The following TULP4 variants were observed in gnomAD, a reference collection of about 807,000 sequenced individuals.
TULP4 encodes tubby-related protein 4.
In TULP4, 16 loss-of-function variants were observed where a neutral mutation model predicts 129.0. The ratio of observed to expected loss-of-function variants is 0.12; its 90% CI spans 0.08 to 0.19. TULP4 has a LOEUF of 0.19. Among genes scored for constraint, TULP4 ranks in the 10% least tolerant of loss-of-function variants. The pLI is 1.00. For missense variants in TULP4, 1,842 were observed against 2,059.1 expected (o/e 0.89, Z 2.04); for synonymous variants, 998 against 854.0 (o/e 1.17, Z -2.94).
chr6:158,284,223 G>C (rs547805119), intron 1 of TULP4, among the ~76,000 whole-genome samples: 1 of 152,310 alleles, frequency 6.6e-6, no homozygotes, highest in South Asian at 2.1e-4. Context: ...ATGGAGACCA[G>C]GCTGGAAAAC....
intron 1 of TULP4, among the ~76,000 whole-genome samples, chr6:158,350,155 T>G (rs1194069318): frequency 9.1e-6 from 1 of 109,954 alleles, no homozygotes. Flanking sequence ...CGCTCCTCAC[T>G]TCCTCCCAGA....
chr6:158,235,731 A>G (rs978397649), intron 1 of TULP4, among the ~76,000 whole-genome samples: 2 of 152,228 alleles, frequency 1.3e-5, no homozygotes, highest in South Asian at 2.1e-4. Flanking sequence ...AGATTTTTGT[A>G]TACTAAATGT....
intron 10 of TULP4, among the ~76,000 whole-genome samples, 179 bp from the exon 11 acceptor site, chr6:158,494,574 G>A (rs76591578): frequency 2.3e-3 from 353 of 152,198 alleles, no homozygotes; most frequent in African/African-American, 8.0e-3. Flanking sequence ...TCACTGCTGC[G>A]TGCCTGGCTG....
In TULP4 at chr6:158,241,793, C is replaced by T. The variant is rs528041319; in HGVS notation, n.68+9490C>T. 1.0e-4 allele frequency: 50 copies of T among 488,236 alleles called. 1 individual carries two copies. Among genetic ancestry groups the T allele is most frequent in the South Asian group, 9.8e-4 (50 of 51,272 alleles). 30.2% of individuals were successfully genotyped at this position (488,236 alleles called of 1,614,324 possible). On this transcript the variant is annotated intron_variant and non_coding_transcript_variant, in intron 1 of 1. Coordinates refer to the TULP4 transcript ENST00000620026. The stretch of plus-strand genomic sequence containing the variant: ...TATTTTTAGTAGAGACGGGGTTTTA[C>T]CGTATTGGCCAGGCTGGTCTCGAAC...
intron 1 of TULP4, among the ~76,000 whole-genome samples, chr6:158,387,266 C>A (rs896172754): frequency 6.6e-6 from 1 of 152,068 alleles, no homozygotes; most frequent in South Asian, 2.1e-4. Flanking sequence ...TCAGGAACAT[C>A]CAAACTGGTA....
At chr6:158,316,245 T>C (rs1025905698) in intron 1 of TULP4, among the ~76,000 whole-genome samples, 15 of 71,106 alleles carry the variant, frequency 2.1e-4, no homozygotes, top group African/African-American at 5.5e-4. Context: ...AATGCTGCTA[T>C]GAACGTTTGT....
At chr6:158,381,508 C>A (rs546957204) in intron 1 of TULP4, among the ~76,000 whole-genome samples, 25 of 152,290 alleles carry the variant, frequency 1.6e-4, no homozygotes, top group African/African-American at 5.8e-4. Flanking sequence ...TAGTGAAAAA[C>A]AATTGGTTTT....
Position 158,493,806 on chromosome 6 carries a change from A to C in TULP4, c.1776+89A>C. 7 of 1,391,160 alleles carry C rather than the reference A, an allele frequency of 5.0e-6. No individual in the cohort carries two copies. The highest frequency in any genetic ancestry group is 6.7e-6 in the Non-Finnish European group (7 of 1,051,798). 86.2% of individuals were successfully genotyped at this position (1,391,160 alleles called of 1,614,324 possible). A position where few individuals can be genotyped will look rare whatever the true frequency, so the allele number is the denominator to read the frequency against. ...TTCCTACCCGCCGCCTGCACTGCTC[A>C]CTGCCACCATGGGTCCCTGAGCTCT... On this transcript the variant is annotated intron_variant, in intron 10 of 13. Coordinates refer to ENST00000367097, the MANE Select transcript of TULP4 (RefSeq NM_020245.5). This position sits in a 1 kb window ranked among gnomAD's most constrained non-coding sequence, Gnocchi z 4.4.
At chr6:158,489,994 G>A (rs998350433) in intron 9 of TULP4, among the ~76,000 whole-genome samples, 3 of 152,202 alleles carry the variant, frequency 2.0e-5, no homozygotes, top group African/African-American at 7.2e-5. Flanking sequence ...GGGTGGCAGA[G>A]GGGTGGCCAT....
intron 1 of TULP4, among the ~76,000 whole-genome samples, chr6:158,266,868 G>A (rs1181964430): frequency 6.6e-6 from 1 of 152,124 alleles, no homozygotes; most frequent in East Asian, 1.9e-4. Flanking sequence ...GTGGCATTAA[G>A]TACGTTCCTG....
chr6:158,477,551 A>G (rs998721513), intron 6 of TULP4, among the ~76,000 whole-genome samples: 1 of 152,216 alleles, frequency 6.6e-6, no homozygotes, highest in African/African-American at 2.4e-5. Context: ...ATGCAAATCA[A>G]AACCACAGTG....
intron 1 of TULP4, chr6:158,242,543 A>G: frequency 1.3e-6 from 1 of 747,490 alleles, no homozygotes; most frequent in Non-Finnish European, 2.5e-6. Context: ...AGACATTCTC[A>G]ATTCTGTTGA....
intron 1 of TULP4, among the ~76,000 whole-genome samples, chr6:158,329,465 T>TAAAAAA (rs10671642): frequency 7.2e-6 from 1 of 138,702 alleles, no homozygotes; most frequent in Admixed American, 7.3e-5. Context: ...ACCTTAACAT[T>TAAAAAA]AAAAAAAAAA....
At chr6:158,443,021 G>A (rs190505517) in intron 3 of TULP4, among the ~76,000 whole-genome samples, 109 of 151,344 alleles carry the variant, frequency 7.2e-4, no homozygotes, top group Non-Finnish European at 1.1e-3. Context: ...GTCTCACTCT[G>A]TCACCAGACT....
At chr6:158,241,918 A>C (rs9459762) in intron 1 of TULP4, 141,189 of 774,144 alleles carry the variant, frequency 0.18, 15,248 homozygotes, top group Non-Finnish European at 0.22. Context: ...TATAGCTTGT[A>C]GTTGTTTCTT....
At chr6:158,457,521 G>A (rs1779319030) in intron 5 of TULP4, among the ~76,000 whole-genome samples, 1 of 152,124 alleles carries the variant, frequency 6.6e-6, no homozygotes, top group African/African-American at 2.4e-5. Flanking sequence ...AATAAGCAGG[G>A]AATTGATTCA....
chr6:158,368,025 G>T (rs567510155), intron 1 of TULP4, among the ~76,000 whole-genome samples: 20 of 139,940 alleles, frequency 1.4e-4, no homozygotes, highest in African/African-American at 5.3e-4. Context: ...CCCATAGATC[G>T]AGGCTGCAGT....
At chr6:158,456,694 C>T (rs1225180138) in intron 5 of TULP4, among the ~76,000 whole-genome samples, 2 of 152,078 alleles carry the variant, frequency 1.3e-5, no homozygotes, top group Non-Finnish European at 2.9e-5. Flanking sequence ...ATTAGCCAGG[C>T]ATGGTGGCGT....
chr6:158,413,209 A>T lies in TULP4; in HGVS notation c.381+16A>T, dbSNP rs1016574867. On this transcript the variant is annotated intron_variant, in intron 2 of 13. Coordinates refer to ENST00000367097, the MANE Select transcript of TULP4 (RefSeq NM_020245.5). The surrounding 1 kb of genome is among the most constrained non-coding windows in gnomAD (Gnocchi z 4.9). ...CGGGGCGCAGGTGAGTGGCAGGCGC[A>T]GCTCTGCCAGTGAAGGGCTGCGGGG... 2.4e-5 allele frequency: 39 copies of T among 1,603,592 alleles called. No homozygotes were observed. The highest frequency in any genetic ancestry group is 3.2e-5 in the Non-Finnish European group (37 of 1,172,698).
Sources: allele counts gnomAD v4.1 joint callset (sites outside exome capture counted in the v4.1 genomes callset), GRCh38; gene constraint gnomAD v4.1.1; non-coding constraint Gnocchi (gnomAD v3.1); transcripts MANE v1.5; gene names NCBI Gene and HGNC (gene_info 2026-07-23, HGNC 2026-07-21).